Variants in UBE2E2 observed in about 807,000 individuals in gnomAD.
UBE2E2 encodes ubiquitin-conjugating enzyme E2 E2.
In UBE2E2, 6 loss-of-function variants were observed where a neutral mutation model predicts 24.7. The observed-to-expected ratio is 0.24, with a 90% confidence interval of 0.13 to 0.48. UBE2E2 has a LOEUF of 0.48. Among genes scored for constraint, UBE2E2 ranks in the 20% least tolerant of loss-of-function variants. UBE2E2 has a pLI of 0.99. For missense variants in UBE2E2, 169 were observed against 245.0 expected, an observed-to-expected ratio of 0.69 and a Z score of 2.07; for synonymous variants, 104 against 83.6, an observed-to-expected ratio of 1.24 and a Z score of -1.33.
At chr3:23,291,963 A>G (rs1046042455) in intron 3 of UBE2E2, among the ~76,000 whole-genome samples, 1 of 142,328 alleles carries the variant, frequency 7.0e-6, no homozygotes, top group African/African-American at 2.6e-5. Flanking sequence ...GGTTCATGCC[A>G]TTCTCCTGCC....
chr3:23,330,400 T>C (rs1695028356), intron 3 of UBE2E2, among the ~76,000 whole-genome samples: 2 of 152,192 alleles, frequency 1.3e-5, no homozygotes, highest in East Asian at 3.8e-4. Flanking sequence ...CTTACAAAAG[T>C]AAACTTAGTC....
At chr3:23,554,945 A>G (rs563199319) in intron 5 of UBE2E2, among the ~76,000 whole-genome samples, 66 of 151,420 alleles carry the variant, frequency 4.4e-4, no homozygotes, top group African/African-American at 1.5e-3. Context: ...GAGATGGAGT[A>G]TGGCTCTGTT....
At position 23,421,338 on chromosome 3, in the gene UBE2E2, A is replaced by G. The variant is rs561577938; in HGVS notation, c.228-78270A>G. Among the ~76,000 whole-genome samples, 5 of 152,352 alleles carry G rather than the reference A, an allele frequency of 3.3e-5. No homozygotes were observed. In the East Asian group the frequency reaches 7.7e-4, roughly 23 times the overall value. On this transcript the variant is annotated intron_variant, in intron 3 of 5. Transcript: ENST00000396703. ...CAGCACTATTCACAGTCACAAAAAT[A>G]TGGAATTAACCTAGGTTTCCATCAA...
At chr3:23,555,222 G>C (rs1026378484) in intron 5 of UBE2E2, among the ~76,000 whole-genome samples, 2 of 152,076 alleles carry the variant, frequency 1.3e-5, no homozygotes, top group African/African-American at 4.8e-5. Flanking sequence ...GCCTGGTCCT[G>C]AATAGACATT....
At chr3:23,505,886 C>A (rs1694443729) in intron 4 of UBE2E2, among the ~76,000 whole-genome samples, 1 of 152,128 alleles carries the variant, frequency 6.6e-6, no homozygotes, top group Non-Finnish European at 1.5e-5. Context: ...ATTGACAGGT[C>A]ATGGCTACTC....
intron 3 of UBE2E2, among the ~76,000 whole-genome samples, chr3:23,228,068 T>C (rs979913901): frequency 2.0e-5 from 3 of 152,218 alleles, no homozygotes; most frequent in African/African-American, 7.2e-5. Context: ...AAAACTGTAT[T>C]AAGGGAAGAC....
chr3:23,240,083 A>G (rs1686514478), intron 3 of UBE2E2, among the ~76,000 whole-genome samples: 1 of 152,186 alleles, frequency 6.6e-6, no homozygotes, highest in African/African-American at 2.4e-5. Context: ...GACTGGGAGA[A>G]TAGGCATCTC....
At chr3:23,208,564 T>C (rs1696216909) in intron 1 of UBE2E2, 128 bp from the exon 2 acceptor site, 1 of 685,618 alleles carries the variant, frequency 1.5e-6, no homozygotes, top group Non-Finnish European at 2.2e-6. Flanking sequence ...TGCATTGTTT[T>C]GTAAATGACC....
At chr3:23,239,928 C>G (rs1290272492) in intron 3 of UBE2E2, among the ~76,000 whole-genome samples, 1 of 152,116 alleles carries the variant, frequency 6.6e-6, no homozygotes, top group African/African-American at 2.4e-5. Context: ...ATTTATTCCT[C>G]TTTTAAAGTG....
At chr3:23,222,395 T>C (rs1243479667) in intron 3 of UBE2E2, among the ~76,000 whole-genome samples, 1 of 152,198 alleles carries the variant, frequency 6.6e-6, no homozygotes, top group African/African-American at 2.4e-5. Flanking sequence ...CACCCAAATC[T>C]CATCTTGAAT....
intron 3 of UBE2E2, among the ~76,000 whole-genome samples, chr3:23,497,062 T>G (rs567916120): frequency 6.6e-6 from 1 of 152,240 alleles, no homozygotes; most frequent in East Asian, 1.9e-4. Flanking sequence ...GAAGAGAAAA[T>G]GCATTTACAG....
At chr3:23,353,801 G>C (rs1445733696) in intron 3 of UBE2E2, among the ~76,000 whole-genome samples, 1 of 145,014 alleles carries the variant, frequency 6.9e-6, no homozygotes, top group East Asian at 2.1e-4. Context: ...CGTGAAAATG[G>C]CCATACTGTC....
chr3:23,589,826 A>G lies in UBE2E2; in HGVS notation c.601A>G (p.Thr201Ala). The G allele has an allele frequency of 6.2e-7, 1 of 1,614,186 alleles. No individual in the cohort carries two copies. Among genetic ancestry groups the G allele is most frequent in the South Asian group, 1.1e-5 (1 of 91,076 alleles). The change falls in exon 6 of 6, where the codon ACA becomes GCA. Residue 201 changes from threonine to alanine, a missense_variant. Thr to Ala is a moderately conservative substitution (Grantham distance 58). Around this residue, in one of 2 missense-constraint regions of UBE2E2, gnomAD observed 105 missense variants for 180.7 expected, o/e 0.58. Coordinates refer to ENST00000396703, the MANE Select transcript of UBE2E2 (RefSeq NM_152653.4). This position sits in a 1 kb window ranked among gnomAD's most constrained non-coding sequence, Gnocchi z 4.1. The part of the protein sequence containing the change: ...MARQWTKRYA[T>A] ...CAGACAGTGGACCAAGCGGTACGCC[A>G]CATAGGGGCCTGCTGCCTGCCGCCC...
intron 3 of UBE2E2, among the ~76,000 whole-genome samples, chr3:23,462,025 C>T (rs1698813923): frequency 1.3e-5 from 2 of 152,002 alleles, no homozygotes; most frequent in Non-Finnish European, 1.5e-5. Context: ...TCATAAATAT[C>T]CCACTATGGA....
At chr3:23,212,203 C>T (rs1360859126) in intron 2 of UBE2E2, among the ~76,000 whole-genome samples, 1 of 152,026 alleles carries the variant, frequency 6.6e-6, no homozygotes, top group Non-Finnish European at 1.5e-5. Context: ...GGTATTTAAA[C>T]AGCAGTAGAA....
intron 5 of UBE2E2, among the ~76,000 whole-genome samples, chr3:23,586,644 C>T (rs1696633745): frequency 6.6e-6 from 1 of 152,074 alleles, no homozygotes; most frequent in African/African-American, 2.4e-5. Flanking sequence ...TTTACTTTAT[C>T]CCTTCATTTT....
chr3:23,553,288 T>C (rs1187968522), intron 5 of UBE2E2, among the ~76,000 whole-genome samples: 1 of 151,662 alleles, frequency 6.6e-6, no homozygotes, highest in Non-Finnish European at 1.5e-5. Flanking sequence ...ATCATTGATA[T>C]TACATTATAA....
chr3:23,299,874 G>T (rs1384066723), intron 3 of UBE2E2, among the ~76,000 whole-genome samples: 1 of 152,076 alleles, frequency 6.6e-6, no homozygotes, highest in Non-Finnish European at 1.5e-5. Context: ...GTCTAATGTT[G>T]ACAGTGGGGT....
intron 5 of UBE2E2, among the ~76,000 whole-genome samples, chr3:23,578,988 G>C (rs1365466197): frequency 1.3e-5 from 2 of 152,152 alleles, no homozygotes; most frequent in Non-Finnish European, 2.9e-5. Context: ...TCACCCAAGA[G>C]CTCTGATAGA....
Sources: gnomAD v4.1 joint callset for allele counts (sites outside exome capture counted in the v4.1 genomes callset) on GRCh38, gnomAD v4.1.1 for gene constraint, gnomAD v4.1.1 regional missense constraint, Gnocchi (gnomAD v3.1) non-coding constraint, MANE v1.5 for transcripts, NCBI Gene and HGNC (gene_info 2026-07-23, HGNC 2026-07-21) for gene names.